Variants in PLEKHA3 observed in about 807,000 individuals in gnomAD.
The protein encoded by PLEKHA3 is pleckstrin homology domain containing A3, also known as pleckstrin homology domain-containing family A member 3.
A neutral mutation model predicts 39.2 loss-of-function variants in PLEKHA3; 19 were observed. That is an observed-to-expected ratio of 0.48 (90% CI 0.34 to 0.71). PLEKHA3 has a LOEUF of 0.71. PLEKHA3 is among the 30% of genes least tolerant of loss of function. PLEKHA3 has a pLI of 0.01. For synonymous variants in PLEKHA3, 97 were observed against 118.6 expected (o/e 0.82, Z 1.18); for missense variants, 253 against 359.5 (o/e 0.70, Z 2.40).
intron 1 of PLEKHA3, among the ~76,000 whole-genome samples, chr2:178,481,177 AGTCACCCTACAT>A (rs1170497383): frequency 3.3e-5 from 5 of 152,174 alleles, no homozygotes; most frequent in African/African-American, 1.2e-4. Flanking sequence ...AACAATTCTC[AGTCACCCTACAT>A]GTGTTGTTGC....
rs1421694793 is a variant in PLEKHA3 at position 178,514,833 on chromosome 2, C to T, written c.*10946C>T. 6.6e-6 allele frequency: 1 copy of T among 152,082 alleles called. No individual in the cohort carries two copies. The highest frequency in any genetic ancestry group is 2.4e-5 in the African/African-American group (1 of 41,398). 9.4% of individuals were successfully genotyped at this position (152,082 alleles called of 1,614,324 possible). On this transcript the variant is annotated 3_prime_UTR_variant, in exon 8 of 8. Coordinates refer to ENST00000234453, the MANE Select transcript of PLEKHA3 (RefSeq NM_019091.4). ...TTGTGGTTTTGCTTTAGTGGCAAAC[C>T]TCCTTACAGGGATGAGTTGCCCTCC...
At chr2:178,503,005 T>A (rs929383732) in intron 7 of PLEKHA3, among the ~76,000 whole-genome samples, 2 of 152,064 alleles carry the variant, frequency 1.3e-5, no homozygotes, top group African/African-American at 4.8e-5. Context: ...TTGGCAGTCT[T>A]AGTTGAAAGT....
chr2:178,507,658 G>GTTTTTTTTTTTTTTTTTT lies in PLEKHA3; in HGVS notation c.*3790_*3807dup, dbSNP rs35052196. On this transcript the variant is annotated 3_prime_UTR_variant, in exon 8 of 8. Transcript: ENST00000234453. ...CCTTTAGTTTTTAGTCTCACATTAG[G>GTTTTTTTTTTTTTTTTTT]TTTTTTTTTTTTTTTTTTTTTTTTT... is the stretch of plus-strand genomic sequence containing the variant. The GTTTTTTTTTTTTTTTTTT allele has an allele frequency of 3.5e-4, 10 of 28,816 alleles. 2 individuals are homozygous for GTTTTTTTTTTTTTTTTTT. The highest frequency in any genetic ancestry group is 4.9e-3 in the South Asian group (2 of 410). 1.8% of individuals were successfully genotyped at this position (28,816 alleles called of 1,614,324 possible). A position where few individuals can be genotyped will look rare whatever the true frequency, so the allele number is the denominator to read the frequency against.
chr2:178,515,610 T>C lies in PLEKHA3; in HGVS notation c.*11723T>C, dbSNP rs1004133764. ...TTTAATTTAGGATTGTTTATACATTTATTTACCTCTTTTAAAAAATTTCTT... is the reference window on the plus strand; with the variant it reads ...TTTAATTTAGGATTGTTTATACATTCATTTACCTCTTTTAAAAAATTTCTT... On this transcript the variant is annotated 3_prime_UTR_variant, in exon 8 of 8. Transcript: ENST00000234453. The C allele has an allele frequency of 8.5e-5, 13 of 152,156 alleles. No homozygotes were observed. Among genetic ancestry groups the C allele is most frequent in the African/African-American group, 3.1e-4 (13 of 41,458 alleles). The allele number at this position is 152,156 out of a possible 1,614,324, so 9.4% of individuals were successfully genotyped here.
intron 7 of PLEKHA3, among the ~76,000 whole-genome samples, chr2:178,502,114 C>T (rs1022749138): frequency 6.6e-6 from 1 of 151,802 alleles, no homozygotes; most frequent in Non-Finnish European, 1.5e-5. Context: ...ATTGAAAACA[C>T]TGATTAAGCT....
At chr2:178,496,418 C>T (rs1406910919) in intron 5 of PLEKHA3, among the ~76,000 whole-genome samples, 1 of 152,132 alleles carries the variant, frequency 6.6e-6, no homozygotes. Context: ...AGAATGCCAC[C>T]TTGTTGCTGT....
At chr2:178,489,595 G>A (rs976636029) in intron 2 of PLEKHA3, among the ~76,000 whole-genome samples, 2 of 151,568 alleles carry the variant, frequency 1.3e-5, no homozygotes, top group Non-Finnish European at 1.5e-5. Context: ...CAAGTTGCTG[G>A]GTCTACAGGT....
intron 2 of PLEKHA3, among the ~76,000 whole-genome samples, chr2:178,489,451 CTTTTTTTTTTTT>C (rs71023445): frequency 1.2e-5 from 1 of 82,370 alleles, no homozygotes; most frequent in Non-Finnish European, 2.2e-5. Context: ...TCTTTTCCTT[CTTTTTTTTTTTT>C]TTTTTTTTTT....
At chr2:178,482,369 A>G (rs2154127474) in intron 1 of PLEKHA3, among the ~76,000 whole-genome samples, 1 of 151,972 alleles carries the variant, frequency 6.6e-6, no homozygotes, top group East Asian at 1.9e-4. Context: ...TCTACTAAAA[A>G]AACAAAAACA....
At chr2:178,485,981 G>A (rs375857048) in intron 2 of PLEKHA3, among the ~76,000 whole-genome samples, 5 of 152,146 alleles carry the variant, frequency 3.3e-5, no homozygotes, top group African/African-American at 1.2e-4. Context: ...AATAACTTTT[G>A]CTAGTCTTCC....
chr2:178,498,205 G>A (rs560724362), intron 5 of PLEKHA3, among the ~76,000 whole-genome samples: 3 of 152,238 alleles, frequency 2.0e-5, no homozygotes, highest in South Asian at 2.1e-4. Flanking sequence ...ATTATAGTGG[G>A]GATGTCCTTG....
At chr2:178,487,244 G>A (rs1685264603) in intron 2 of PLEKHA3, among the ~76,000 whole-genome samples, 1 of 152,122 alleles carries the variant, frequency 6.6e-6, no homozygotes, top group East Asian at 1.9e-4. Context: ...GAAGAATGTG[G>A]TCAGATATCA....
chr2:178,503,017 G>A (rs1003257533), intron 7 of PLEKHA3, among the ~76,000 whole-genome samples: 5 of 151,942 alleles, frequency 3.3e-5, no homozygotes, highest in Non-Finnish European at 5.9e-5. Flanking sequence ...GTTGAAAGTT[G>A]TTACTCAAAA....
chr2:178,481,850 G>A (rs939299064), intron 1 of PLEKHA3: 2 of 142,986 alleles, frequency 1.4e-5, no homozygotes, highest in South Asian at 2.5e-4. Flanking sequence ...TTTGGGGGGG[G>A]GGGGTCTAGC....
Position 178,511,894 on chromosome 2 carries a change from T to C in PLEKHA3, c.*8007T>C, listed in dbSNP as rs1488286515. On this transcript the variant is annotated 3_prime_UTR_variant, in exon 8 of 8. Coordinates refer to ENST00000234453, the MANE Select transcript of PLEKHA3 (RefSeq NM_019091.4). ...ACTAATCTAGTATATTTTCATAGGATAGAATTTGCCCTTTCTGTCCCATAA... is the reference window on the plus strand; with the variant it reads ...ACTAATCTAGTATATTTTCATAGGACAGAATTTGCCCTTTCTGTCCCATAA... 1.3e-5 allele frequency: 2 copies of C among 152,218 alleles called. No homozygotes were observed. The highest frequency in any genetic ancestry group is 2.9e-5 in the Non-Finnish European group (2 of 68,038). 9.4% of individuals were successfully genotyped at this position (152,218 alleles called of 1,614,324 possible).
intron 3 of PLEKHA3, 22 bp downstream of exon 3, chr2:178,490,836 G>T: frequency 3.2e-6 from 5 of 1,566,052 alleles, no homozygotes; most frequent in Non-Finnish European, 4.3e-6. Context: ...CTTTTCCCTT[G>T]TGGTGAGAGT....
rs1685684132 is a variant in PLEKHA3 at position 178,511,457 on chromosome 2, T to TTGA, written c.*7570_*7571insTGA. 1 of 149,468 alleles carries TTGA rather than the reference T, an allele frequency of 6.7e-6. No homozygotes were observed. Among genetic ancestry groups the TTGA allele is most frequent in the African/African-American group, 2.5e-5 (1 of 40,568 alleles). 9.3% of individuals were successfully genotyped at this position (149,468 alleles called of 1,614,324 possible). Reference sequence around the variant, plus strand: ...GACACGATCTTGGCTCACTGCAACCTCCACCTCCGGGGCTCAAGCAATTCT... The same window carrying TTGA: ...GACACGATCTTGGCTCACTGCAACCTTGACCACCTCCGGGGCTCAAGCAATTCT... On this transcript the variant is annotated 3_prime_UTR_variant, in exon 8 of 8. Coordinates refer to ENST00000234453, the MANE Select transcript of PLEKHA3 (RefSeq NM_019091.4).
At chr2:178,496,381 G>A (rs1310616911) in intron 5 of PLEKHA3, among the ~76,000 whole-genome samples, 1 of 152,184 alleles carries the variant, frequency 6.6e-6, no homozygotes, top group East Asian at 1.9e-4. Context: ...GCATCAAAGT[G>A]TTTTTAGGAG....
chr2:178,490,890 CACT>C, intron 3 of PLEKHA3, 76 bp downstream of exon 3: 1 of 1,156,282 alleles, frequency 8.6e-7, no homozygotes, highest in Non-Finnish European at 1.2e-6. Context: ...TTAGCCTGTC[CACT>C]TTTAGTATCT....
Sources: allele counts gnomAD v4.1 joint callset (sites outside exome capture counted in the v4.1 genomes callset), GRCh38; gene constraint gnomAD v4.1.1; transcripts MANE v1.5; gene names NCBI Gene and HGNC (gene_info 2026-07-23, HGNC 2026-07-21).